Variants in LINGO2 observed in about 807,000 individuals in gnomAD.
LINGO2 encodes leucine-rich repeat and immunoglobulin-like domain-containing nogo receptor-interacting protein 2.
A neutral mutation model predicts 30.6 loss-of-function variants in LINGO2; 14 were observed. That is an observed-to-expected ratio of 0.46 (90% CI 0.30 to 0.72). LINGO2 has a LOEUF of 0.72. Among genes scored for constraint, LINGO2 ranks in the 30% least tolerant of loss-of-function variants. The pLI is 0.07. For synonymous variants in LINGO2, 317 were observed against 288.5 expected (o/e 1.10, Z -1.00); for missense variants, 729 against 751.7 (o/e 0.97, Z 0.35).
At chr9:28,493,578 C>T (rs1425626056) in intron 1 of LINGO2, among the ~76,000 whole-genome samples, 2 of 152,096 alleles carry the variant, frequency 1.3e-5, no homozygotes, top group East Asian at 3.8e-4. Flanking sequence ...TTTGAAAAAT[C>T]ATGAAACAAA....
intron 4 of LINGO2, among the ~76,000 whole-genome samples, chr9:28,251,416 G>C (rs555035207): frequency 6.6e-6 from 1 of 152,062 alleles, no homozygotes; most frequent in Non-Finnish European, 1.5e-5. Context: ...ATTAGTAAAC[G>C]TAGACTGTCA....
chr9:28,890,373 TAAATGGGTACACAC>T, the LINGO2 span, among the ~76,000 whole-genome samples: 3 of 152,222 alleles, frequency 2.0e-5, no homozygotes, highest in South Asian at 6.2e-4. Flanking sequence ...TGTCTTTTCC[TAAATGGGTACACAC>T]TTGTGTACCA....
chr9:28,324,053 G>A (rs1190527583), intron 3 of LINGO2, among the ~76,000 whole-genome samples: 1 of 152,074 alleles, frequency 6.6e-6, no homozygotes, highest in Non-Finnish European at 1.5e-5. Context: ...GCCTTGGTGT[G>A]TTATACTGAG....
intron 1 of LINGO2, among the ~76,000 whole-genome samples, chr9:28,570,428 A>G (rs1003184629): frequency 3.9e-5 from 6 of 151,946 alleles, no homozygotes; most frequent in Non-Finnish European, 7.4e-5. Flanking sequence ...AAGATGGATT[A>G]AAAAAATTAA....
the LINGO2 span, among the ~76,000 whole-genome samples, chr9:29,033,630 T>A: frequency 6.6e-6 from 1 of 151,806 alleles, no homozygotes; most frequent in African/African-American, 2.4e-5. Context: ...CATGATTGCA[T>A]CTTCATATAT....
chr9:29,138,952 T>C, the LINGO2 span, among the ~76,000 whole-genome samples: 3 of 152,156 alleles, frequency 2.0e-5, no homozygotes, highest in African/African-American at 7.2e-5. Context: ...TAATAACAAA[T>C]AGAGTATGGC....
the LINGO2 span, among the ~76,000 whole-genome samples, chr9:29,126,781 G>C: frequency 3.3e-5 from 5 of 152,072 alleles, no homozygotes; most frequent in Non-Finnish European, 7.4e-5. Flanking sequence ...TTCTGAGGCA[G>C]GAGAATAGGA....
chr9:28,698,654 T>G, the LINGO2 span, among the ~76,000 whole-genome samples: 1 of 151,990 alleles, frequency 6.6e-6, no homozygotes, highest in South Asian at 2.1e-4. Context: ...TAGAGGACTT[T>G]CAGGTTAGTT....
intron 3 of LINGO2, among the ~76,000 whole-genome samples, chr9:28,309,217 T>G (rs1243206984): frequency 6.6e-6 from 1 of 151,984 alleles, no homozygotes; most frequent in Non-Finnish European, 1.5e-5. Context: ...ATTAAGAAAA[T>G]GTGGCACATA....
chr9:28,222,658 G>A (rs536613559), intron 4 of LINGO2, among the ~76,000 whole-genome samples: 1 of 152,152 alleles, frequency 6.6e-6, no homozygotes, highest in African/African-American at 2.4e-5. Flanking sequence ...ATTTGATTTG[G>A]TTTAATAACT....
At chr9:28,067,442 A>T (rs959041999) in intron 4 of LINGO2, among the ~76,000 whole-genome samples, 1 of 152,194 alleles carries the variant, frequency 6.6e-6, no homozygotes, top group Non-Finnish European at 1.5e-5. Flanking sequence ...ATTTAAAAAC[A>T]AAAAGTTCAG....
the LINGO2 span, among the ~76,000 whole-genome samples, chr9:29,119,152 A>C: frequency 6.6e-6 from 1 of 152,314 alleles, no homozygotes; most frequent in Non-Finnish European, 1.5e-5. Context: ...AAGCCATAAC[A>C]ATCAGCATTC....
intron 4 of LINGO2, among the ~76,000 whole-genome samples, chr9:28,185,496 C>T (rs1422901018): frequency 6.6e-6 from 1 of 152,044 alleles, no homozygotes; most frequent in Non-Finnish European, 1.5e-5. Context: ...ATATCACACT[C>T]AGTACATGTC....
intron 4 of LINGO2, among the ~76,000 whole-genome samples, chr9:28,098,522 C>G (rs1228030571): frequency 6.6e-6 from 1 of 152,136 alleles, no homozygotes. Flanking sequence ...CTTCTTAGCA[C>G]CTGGCCTTTC....
intron 1 of LINGO2, among the ~76,000 whole-genome samples, chr9:28,486,933 A>T (rs747252608): frequency 1.3e-5 from 2 of 152,106 alleles, no homozygotes; most frequent in Non-Finnish European, 2.9e-5. Context: ...ACAAAGAGAA[A>T]AAACATTTAA....
At chr9:28,714,592 G>A in the LINGO2 span, among the ~76,000 whole-genome samples, 4 of 151,928 alleles carry the variant, frequency 2.6e-5, no homozygotes, top group African/African-American at 4.8e-5. Flanking sequence ...ACTATTAACG[G>A]CAGTCATTTT....
chr9:28,008,800 C>A (rs564214873), intron 5 of LINGO2, among the ~76,000 whole-genome samples: 1 of 151,966 alleles, frequency 6.6e-6, no homozygotes, highest in African/African-American at 2.4e-5. Flanking sequence ...ATATGTTCAC[C>A]GATTGAAAGG....
At chr9:28,056,171 T>C (rs1563948704) in intron 4 of LINGO2, among the ~76,000 whole-genome samples, 1 of 152,138 alleles carries the variant, frequency 6.6e-6, no homozygotes, top group Non-Finnish European at 1.5e-5. Context: ...CAGGTAACGA[T>C]TGGTCGGCTG....
chr9:28,550,642 G>T (rs1016368371), intron 1 of LINGO2, among the ~76,000 whole-genome samples: 4 of 151,698 alleles, frequency 2.6e-5, no homozygotes, highest in African/African-American at 7.2e-5. Flanking sequence ...AATTGCTGCT[G>T]CAATTGAACT....
Sources: allele counts gnomAD v4.1 joint callset (sites outside exome capture counted in the v4.1 genomes callset), GRCh38; gene constraint gnomAD v4.1.1; transcripts MANE v1.5; gene names NCBI Gene and HGNC (gene_info 2026-07-23, HGNC 2026-07-21).